The following MAML2 variants were observed in gnomAD, a reference collection of about 807,000 sequenced individuals.
The protein encoded by MAML2 is mastermind like transcriptional coactivator 2.
A neutral mutation model predicts 96.1 loss-of-function variants in MAML2; 22 were observed. The observed-to-expected ratio is 0.23, with a 90% CI of 0.16 to 0.33. MAML2 has a LOEUF of 0.33. Ranked by LOEUF, MAML2 falls within the 10% of genes least tolerant of loss-of-function variation. The pLI, the probability that MAML2 is intolerant of heterozygous loss-of-function variation, is 1.00. For synonymous variants in MAML2, 561 were observed against 521.3 expected (o/e 1.08, Z -1.04); for missense variants, 1,367 against 1,392.4 (o/e 0.98, Z 0.29).
At chr11:96,192,806 A>C (rs1385913329) in intron 1 of MAML2, among the ~76,000 whole-genome samples, 1 of 152,234 alleles carries the variant, frequency 6.6e-6, no homozygotes, top group Non-Finnish European at 1.5e-5. Context: ...GCCAGCATGA[A>C]TGATCAACTG....
At chr11:96,036,134 T>C (rs1279256599) in intron 2 of MAML2, among the ~76,000 whole-genome samples, 1 of 152,196 alleles carries the variant, frequency 6.6e-6, no homozygotes, top group Non-Finnish European at 1.5e-5. Flanking sequence ...TTCTTTGAGA[T>C]GCTACACATG....
chr11:96,062,711 C>T (rs1308879416), intron 2 of MAML2, among the ~76,000 whole-genome samples: 1 of 152,146 alleles, frequency 6.6e-6, no homozygotes, highest in African/African-American at 2.4e-5. Context: ...CAAAGGGTGC[C>T]CAGTCCATTT....
At chr11:96,013,414 C>G (rs1858294138) in intron 2 of MAML2, among the ~76,000 whole-genome samples, 1 of 152,130 alleles carries the variant, frequency 6.6e-6, no homozygotes, top group Admixed American at 6.5e-5. Flanking sequence ...TACAGGACTG[C>G]TAGGAAGGGA....
At chr11:96,017,148 A>T (rs73521643) in intron 2 of MAML2, among the ~76,000 whole-genome samples, 1,566 of 152,310 alleles carry the variant, frequency 0.01, 21 homozygotes, top group African/African-American at 0.036. Context: ...AGGTAGGTAG[A>T]TCTTACTATT....
At chr11:96,064,945 A>C (rs981590836) in intron 2 of MAML2, among the ~76,000 whole-genome samples, 1 of 152,348 alleles carries the variant, frequency 6.6e-6, no homozygotes, top group Non-Finnish European at 1.5e-5. Flanking sequence ...CTCTAAGTGT[A>C]GAATAAAAGT....
intron 1 of MAML2, among the ~76,000 whole-genome samples, chr11:96,298,634 G>T (rs908963341): frequency 2.0e-5 from 3 of 151,398 alleles, no homozygotes; most frequent in African/African-American, 7.3e-5. Flanking sequence ...GTGCTAGGTT[G>T]CATATCTATA....
At chr11:96,179,891 GCC>G in intron 1 of MAML2, among the ~76,000 whole-genome samples, 2 of 152,156 alleles carry the variant, frequency 1.3e-5, no homozygotes, top group African/African-American at 2.4e-5. Flanking sequence ...TCAGCCAGTG[GCC>G]ACCTTGGCCA....
Position 96,187,791 on chromosome 11 carries a change from T to C in MAML2, c.514-94274A>G, listed in dbSNP as rs569918596. Among the ~76,000 whole-genome samples, 442 of 86,126 alleles carry C rather than the reference T, an allele frequency of 5.1e-3. 3 individuals carry two copies. The highest frequency in any genetic ancestry group is 0.022 in the South Asian group (70 of 3,174). 56.5% of individuals were successfully genotyped at this position (86,126 alleles called of 152,430 possible). A position where few individuals can be genotyped will look rare whatever the true frequency, so the allele number is the denominator to read the frequency against. On this transcript the variant is annotated intron_variant, in intron 1 of 4. Coordinates refer to ENST00000524717, the MANE Select transcript of MAML2 (RefSeq NM_032427.4). ...CCTGGCGACAGAGTGAAACTCTGTC[T>C]CAAAAAAAAAAAAAAAGTTTTAAAT...
chr11:96,296,514 A>G (rs920283465), intron 1 of MAML2, among the ~76,000 whole-genome samples: 3 of 152,238 alleles, frequency 2.0e-5, no homozygotes, highest in Middle Eastern at 3.4e-3. Context: ...GTGGTGGTGC[A>G]TGCCTGTAAT....
intron 1 of MAML2, among the ~76,000 whole-genome samples, chr11:96,264,371 T>C (rs1565266612): frequency 2.0e-5 from 3 of 152,176 alleles, no homozygotes; most frequent in Admixed American, 1.3e-4. Context: ...TCCAAACCAA[T>C]ACCTACCTCT....
chr11:96,236,111 C>T (rs1862364012), intron 1 of MAML2, among the ~76,000 whole-genome samples: 3 of 152,182 alleles, frequency 2.0e-5, no homozygotes, highest in South Asian at 4.1e-4. Context: ...AAAGGCGAAA[C>T]TTTCTTTTTT....
At chr11:96,178,343 G>A (rs555226977) in intron 1 of MAML2, among the ~76,000 whole-genome samples, 5 of 152,196 alleles carry the variant, frequency 3.3e-5, no homozygotes, top group East Asian at 1.9e-4. Flanking sequence ...GAGAGCAGGC[G>A]CACAGCATCT....
intron 1 of MAML2, among the ~76,000 whole-genome samples, chr11:96,286,825 G>A (rs1863147448): frequency 6.6e-6 from 1 of 152,036 alleles, no homozygotes; most frequent in Admixed American, 6.6e-5. Flanking sequence ...TTCATATCCA[G>A]TTTCTGGGAC....
chr11:96,227,491 T>C (rs546487232), intron 1 of MAML2, among the ~76,000 whole-genome samples: 1 of 152,296 alleles, frequency 6.6e-6, no homozygotes, highest in African/African-American at 2.4e-5. Context: ...ACAATATATA[T>C]GTGAATAAAT....
intron 2 of MAML2, among the ~76,000 whole-genome samples, chr11:96,012,393 T>G (rs956347354): frequency 1.3e-5 from 2 of 152,256 alleles, no homozygotes; most frequent in Non-Finnish European, 2.9e-5. Context: ...TGTTCCTTGC[T>G]GCACGTGTTC....
intron 2 of MAML2, among the ~76,000 whole-genome samples, chr11:96,079,231 T>C (rs1859495402): frequency 6.6e-6 from 1 of 152,184 alleles, no homozygotes; most frequent in East Asian, 1.9e-4. Context: ...TAATAAAACT[T>C]GATGTACTTG....
chr11:96,007,900 T>C (rs1484839055), intron 2 of MAML2, among the ~76,000 whole-genome samples: 65 of 126,508 alleles, frequency 5.1e-4, no homozygotes, highest in Non-Finnish European at 9.4e-4. Context: ...GGGGGAGGGG[T>C]AGCACTGGGA....
At chr11:96,001,233 G>C (rs1033062473) in intron 2 of MAML2, among the ~76,000 whole-genome samples, 1 of 152,214 alleles carries the variant, frequency 6.6e-6, no homozygotes, top group Admixed American at 6.5e-5. Context: ...GGTTGGCACA[G>C]AGACCAGTTC....
chr11:96,247,119 G>A (rs773391849), intron 1 of MAML2, among the ~76,000 whole-genome samples: 1 of 151,956 alleles, frequency 6.6e-6, no homozygotes, highest in African/African-American at 2.4e-5. Flanking sequence ...AGAGAACAGA[G>A]AGCCCTCATT....
Sources: allele counts gnomAD v4.1 joint callset (sites outside exome capture counted in the v4.1 genomes callset), GRCh38; gene constraint gnomAD v4.1.1; transcripts MANE v1.5; gene names NCBI Gene and HGNC (gene_info 2026-07-23, HGNC 2026-07-21).